The following SRP54 variants were observed in gnomAD, a reference collection of about 807,000 sequenced individuals.
SRP54 encodes the protein signal recognition particle 54.
In SRP54, 10 loss-of-function variants were observed where a neutral mutation model predicts 64.8. That is an observed-to-expected ratio of 0.15 (90% CI 0.10 to 0.26). The LOEUF is 0.26. SRP54 is among the 10% of genes least tolerant of loss of function. The probability of loss-of-function intolerance (pLI) is 1.00; values close to 1 mark genes in which losing one functional copy is unlikely to be tolerated. For missense variants in SRP54, 325 were observed against 613.7 expected (o/e 0.53, Z 4.97); for synonymous variants, 193 against 185.6 (o/e 1.04, Z -0.32).
intron 1 of SRP54, among the ~76,000 whole-genome samples, chr14:34,991,107 TTC>T (rs1339155054): frequency 9.5e-4 from 110 of 115,492 alleles, no homozygotes; most frequent in African/African-American, 2.8e-3. Flanking sequence ...TAAATTTCTT[TTC>T]TTTTTTTTTT....
At chr14:35,002,737 CTTT>C (rs71121258) in intron 4 of SRP54, among the ~76,000 whole-genome samples, 38 of 95,004 alleles carry the variant, frequency 4.0e-4, no homozygotes, top group Middle Eastern at 6.6e-3. Context: ...GCCTGGCCTC[CTTT>C]TTTTTTTTTT....
chr14:35,020,110 G>A (rs1233251523), intron 13 of SRP54, among the ~76,000 whole-genome samples: 5 of 152,288 alleles, frequency 3.3e-5, no homozygotes, highest in East Asian at 1.9e-4. Flanking sequence ...GCTTGAACCC[G>A]GGAGGCGGAG....
At chr14:35,027,624 C>G (rs577752913) in intron 14 of SRP54, 1 of 152,198 alleles carries the variant, frequency 6.6e-6, no homozygotes, top group Admixed American at 6.6e-5. Context: ...GGTGTGGTGG[C>G]GGGCACCTGT....
intron 4 of SRP54, among the ~76,000 whole-genome samples, chr14:35,004,328 A>T (rs2044224463): frequency 6.6e-6 from 1 of 152,196 alleles, no homozygotes; most frequent in Non-Finnish European, 1.5e-5. Context: ...TAGTTTTCTG[A>T]TGAGGGTCAG....
At position 35,014,282 on chromosome 14, in the gene SRP54, T is replaced by TG. The variant is rs1217426530; in HGVS notation, c.886+380_886+381insG. Among the ~76,000 whole-genome samples, 37 of 126,580 alleles carry TG rather than the reference T, an allele frequency of 2.9e-4. 2 individuals carry two copies. In the East Asian group the frequency reaches 3.6e-3, roughly 12 times the overall value. 83.0% of individuals were successfully genotyped at this position (126,580 alleles called of 152,430 possible). On this transcript the variant is annotated intron_variant, in intron 10 of 15. Transcript: ENST00000216774. ...TTGTTTGTTGCCACTTAACTTTTTT[T>TG]TTTTTTTTTTTTGAGACGGAGTTTC...
intron 8 of SRP54, among the ~76,000 whole-genome samples, 155 bp downstream of exon 8, chr14:35,011,814 G>A (rs1451039877): frequency 6.6e-6 from 1 of 151,902 alleles, no homozygotes; most frequent in African/African-American, 2.4e-5. Context: ...TATGTGGTAG[G>A]GACTTAATTT....
chr14:35,013,319 A>T, intron 8 of SRP54, 27 bp from the exon 9 acceptor site: 1 of 1,598,204 alleles, frequency 6.3e-7, no homozygotes, highest in Non-Finnish European at 8.5e-7. Context: ...TCTTTTCTAA[A>T]GTATCTTTTC....
chr14:34,998,762 G>A (rs2044109580), intron 2 of SRP54, among the ~76,000 whole-genome samples: 2 of 150,870 alleles, frequency 1.3e-5, no homozygotes, highest in Admixed American at 6.6e-5. Flanking sequence ...GCAGTGAGCC[G>A]AGATCACGCC....
intron 5 of SRP54, among the ~76,000 whole-genome samples, chr14:35,007,682 TA>T (rs2044284987): frequency 6.9e-6 from 1 of 145,936 alleles, no homozygotes; most frequent in African/African-American, 2.5e-5. Flanking sequence ...TATTAAAATA[TA>T]TTTACATAAA....
chr14:35,029,404 CCATCA>C lies in SRP54; in HGVS notation c.*253_*257del, dbSNP rs765894883. ...TGCTTTAGATTTTCTTCTGTTTTCA[CCATCA>C]TAACACTTAAGTTAAATCATGATGT... On this transcript the variant is annotated 3_prime_UTR_variant, in exon 16 of 16. Transcript: ENST00000216774. The C allele has an allele frequency of 5.9e-6, 2 of 338,476 alleles. No individual in the cohort carries two copies. The highest frequency in any genetic ancestry group is 1.1e-5 in the Non-Finnish European group (2 of 185,912). 21.0% of individuals were successfully genotyped at this position (338,476 alleles called of 1,614,324 possible).
chr14:34,989,788 AAAAAG>A (rs1167263703), intron 1 of SRP54, among the ~76,000 whole-genome samples: 5 of 152,184 alleles, frequency 3.3e-5, no homozygotes, highest in Non-Finnish European at 7.4e-5. Context: ...GTATCATTAA[AAAAAG>A]AAAGGAAGTT....
At chr14:34,983,938 T>A (rs892163703) in intron 1 of SRP54, among the ~76,000 whole-genome samples, 2 of 152,204 alleles carry the variant, frequency 1.3e-5, no homozygotes, top group African/African-American at 4.8e-5. Flanking sequence ...CCTTAGGTGC[T>A]TTGTGACCCT....
At chr14:35,002,147 C>T (rs1293506660) in intron 4 of SRP54, among the ~76,000 whole-genome samples, 2 of 151,908 alleles carry the variant, frequency 1.3e-5, no homozygotes, top group South Asian at 2.1e-4. Context: ...TGAGGTCAGG[C>T]GTTCGAGACC....
chr14:35,010,473 A>G (rs2139002411), intron 7 of SRP54, among the ~76,000 whole-genome samples: 1 of 152,144 alleles, frequency 6.6e-6, no homozygotes, highest in East Asian at 1.9e-4. Context: ...TAAATTTAAA[A>G]AAGAAATTGG....
At chr14:34,989,006 G>A (rs1313662291) in intron 1 of SRP54, among the ~76,000 whole-genome samples, 2 of 151,962 alleles carry the variant, frequency 1.3e-5, no homozygotes, top group South Asian at 2.1e-4. Flanking sequence ...ATTGTTTAGG[G>A]AATAATGACA....
rs368131211 is a variant in SRP54 at position 35,007,352 on chromosome 14, T to C, written c.325T>C (p.Leu109=). 1.3e-6 allele frequency: 2 copies of C among 1,595,398 alleles called. No individual in the cohort carries two copies. The highest frequency in any genetic ancestry group is 2.7e-5 in the African/African-American group (2 of 74,778). Residue 109 remains leucine, a synonymous_variant, in exon 5 of 16, where the codon TTG becomes CTG. Coordinates refer to ENST00000216774, the MANE Select transcript of SRP54 (RefSeq NM_003136.4). The part of the protein sequence containing the change: ...GKQNVIMFVG[L]QGSGKTTTCS... ...ACAAAATGTGATTATGTTTGTTGGA[T>C]TGCAAGGGAGTGGTAAAACAACAAC...
At chr14:35,028,570 C>A (rs2044671941) in intron 15 of SRP54, among the ~76,000 whole-genome samples, 1 of 152,100 alleles carries the variant, frequency 6.6e-6, no homozygotes, top group African/African-American at 2.4e-5. Flanking sequence ...TCGGTAAAAT[C>A]ACAGATCATA....
In SRP54 at chr14:35,000,847, T is replaced by C. The variant is rs895501802; in HGVS notation, c.171-89T>C. 13 of 588,158 alleles carry C rather than the reference T, an allele frequency of 2.2e-5. No individual in the cohort carries two copies. The East Asian group carries it at 4.0e-4, about 18-fold the overall frequency. The allele number at this position is 588,158 out of a possible 1,614,324, so 36.4% of individuals were successfully genotyped here. A position where few individuals can be genotyped will look rare whatever the true frequency, so the allele number is the denominator to read the frequency against. ...TATTAATATGAATGACTGAATGTTG[T>C]ACATTCTTTGGAGCAGAAGCTTCTT... On this transcript the variant is annotated intron_variant, in intron 3 of 15. Coordinates refer to ENST00000216774, the MANE Select transcript of SRP54 (RefSeq NM_003136.4).
Position 35,029,210 on chromosome 14 carries a change from C to T in SRP54, c.*58C>T, listed in dbSNP as rs1279779469. 6.5e-6 allele frequency: 9 copies of T among 1,375,994 alleles called. No homozygotes were observed. The highest frequency in any genetic ancestry group is 4.0e-5 in the Admixed American group (2 of 49,838). 85.2% of individuals were successfully genotyped at this position (1,375,994 alleles called of 1,614,324 possible). A position where few individuals can be genotyped will look rare whatever the true frequency, so the allele number is the denominator to read the frequency against. On this transcript the variant is annotated 3_prime_UTR_variant, in exon 16 of 16. Transcript: ENST00000216774. ...AATACCTAATTTGCTGAGACCTCAG[C>T]GTTTCCCTTCTTTTTGCGAATTGGG...
Sources: allele counts gnomAD v4.1 joint callset (sites outside exome capture counted in the v4.1 genomes callset), GRCh38; gene constraint gnomAD v4.1.1; transcripts MANE v1.5; gene names NCBI Gene and HGNC (gene_info 2026-07-23, HGNC 2026-07-21).